Variants in DNAAF11 observed in about 807,000 individuals in gnomAD.
DNAAF11 encodes the protein dynein axonemal assembly factor 11, also known as leucine rich repeat containing 6.
In DNAAF11, 45 loss-of-function variants were observed where a neutral mutation model predicts 60.8. The observed-to-expected ratio is 0.74, with a 90% CI of 0.58 to 0.95. The LOEUF is 0.95. Among genes scored for constraint, DNAAF11 ranks in the 40% least tolerant of loss-of-function variants. DNAAF11 has a pLI of 0.00. For missense variants in DNAAF11, 546 were observed against 546.2 expected (o/e 1.00, Z 0.00); for synonymous variants, 191 against 183.5 (o/e 1.04, Z -0.33).
In DNAAF11 at chr8:132,666,700, G is replaced by A. The variant is rs146531030; in HGVS notation, c.11-5073C>T. Among the ~76,000 whole-genome samples the A allele has an allele frequency of 2.6e-5, 4 of 152,326 alleles. No individual in the cohort carries two copies. In the East Asian group the frequency reaches 7.7e-4, roughly 29 times the overall value. ...GCACAGTGCAAAGGCCAGGAAGCAA[G>A]TGTATCTTCTTTCACTTTGCAGCAA... is the stretch of plus-strand genomic sequence containing the variant. On this transcript the variant is annotated intron_variant, in intron 1 of 11. Transcript: ENST00000620350.
chr8:132,595,376 A>AAAAAAAAAAAAAAAAAT (rs1184295337), intron 10 of DNAAF11, among the ~76,000 whole-genome samples: 1 of 145,910 alleles, frequency 6.9e-6, no homozygotes, highest in Non-Finnish European at 1.5e-5. Flanking sequence ...AAAAAAAAAA[A>AAAAAAAAAAAAAAAAAT]AGCTGTGTCC....
intron 5 of DNAAF11, among the ~76,000 whole-genome samples, chr8:132,630,979 A>C (rs1182071962): frequency 6.6e-6 from 1 of 152,230 alleles, no homozygotes; most frequent in Non-Finnish European, 1.5e-5. Flanking sequence ...GCAATATGTA[A>C]AAAGTTGAAA....
intron 3 of DNAAF11, among the ~76,000 whole-genome samples, chr8:132,652,062 T>C (rs546346242): frequency 6.6e-6 from 1 of 152,356 alleles, no homozygotes; most frequent in Non-Finnish European, 1.5e-5. Context: ...TTTACCCTAG[T>C]AGGCAAATAG....
chr8:132,624,978 G>A (rs1820104873), intron 6 of DNAAF11, among the ~76,000 whole-genome samples: 1 of 152,098 alleles, frequency 6.6e-6, no homozygotes, highest in African/African-American at 2.4e-5. Context: ...AAATACTAAT[G>A]TATTAGTGTA....
chr8:132,649,062 C>A (rs986076021), intron 3 of DNAAF11, among the ~76,000 whole-genome samples: 9 of 152,246 alleles, frequency 5.9e-5, no homozygotes, highest in South Asian at 2.1e-4. Context: ...ATTGCCAAGA[C>A]AATCCTAAGC....
chr8:132,611,490 G>T (rs1051353071), intron 8 of DNAAF11, 127 bp from the exon 9 acceptor site: 5 of 524,166 alleles, frequency 9.5e-6, no homozygotes, highest in Non-Finnish European at 1.7e-5. Context: ...TGCAAAATGG[G>T]TCTTTAAAAA....
chr8:132,629,171 G>A (rs4606040), intron 5 of DNAAF11, among the ~76,000 whole-genome samples: 79,097 of 151,858 alleles, frequency 0.52, 24,091 homozygotes, highest in African/African-American at 0.86. Context: ...CATTTAATAA[G>A]AATCAATATA....
At chr8:132,576,896 G>A (rs989865133) in intron 11 of DNAAF11, among the ~76,000 whole-genome samples, 8 of 152,150 alleles carry the variant, frequency 5.3e-5, no homozygotes, top group Non-Finnish European at 1.0e-4. Context: ...GAGGGGCAGG[G>A]GTCCATCAGA....
rs187388379 is a variant in DNAAF11, at chr8:132,650,532, A to T, written c.256+6298T>A. Among the ~76,000 whole-genome samples the T allele has an allele frequency of 9.1e-4, 139 of 152,348 alleles. No homozygotes were observed. The Middle Eastern group carries it at 0.014, about 15-fold the overall frequency. ...TAAAGTACAATAAAAAATAAAAATAAAAAATAAAACACATTAATAAACTTG... is the reference window on the plus strand; with the variant it reads ...TAAAGTACAATAAAAAATAAAAATATAAAATAAAACACATTAATAAACTTG... On this transcript the variant is annotated intron_variant, in intron 3 of 11. Coordinates refer to ENST00000620350, the MANE Select transcript of DNAAF11 (RefSeq NM_012472.6).
the DNAAF11 span, among the ~76,000 whole-genome samples, chr8:132,702,524 G>A: frequency 0.45 from 68,743 of 151,498 alleles, 18,780 homozygotes; most frequent in African/African-American, 0.78. Context: ...AAAAATTTCC[G>A]TTGTCCCAGA....
chr8:132,663,883 G>A (rs1586733666), intron 1 of DNAAF11, among the ~76,000 whole-genome samples: 2 of 152,228 alleles, frequency 1.3e-5, no homozygotes, highest in Non-Finnish European at 2.9e-5. Flanking sequence ...TTGTCAGGGA[G>A]GTGGATGGCA....
intron 3 of DNAAF11, among the ~76,000 whole-genome samples, chr8:132,645,030 C>A (rs1822237567): frequency 6.6e-6 from 1 of 152,186 alleles, no homozygotes; most frequent in Non-Finnish European, 1.5e-5. Context: ...GGACAATCTG[C>A]CTCCTCAAGT....
the DNAAF11 span, among the ~76,000 whole-genome samples, chr8:132,696,970 T>C: frequency 6.6e-6 from 1 of 152,084 alleles, no homozygotes; most frequent in African/African-American, 2.4e-5. Context: ...CAAAATAATC[T>C]GTACAACAAA....
intron 3 of DNAAF11, 34 bp from the exon 4 acceptor site, chr8:132,638,141 CAAA>C (rs751347513): frequency 6.3e-7 from 1 of 1,584,588 alleles, no homozygotes; most frequent in Non-Finnish European, 8.6e-7. Flanking sequence ...ACAAAGCAAA[CAAA>C]GAAAAATCAC....
intron 3 of DNAAF11, among the ~76,000 whole-genome samples, chr8:132,644,651 A>C (rs1822188283): frequency 6.6e-6 from 1 of 152,176 alleles, no homozygotes; most frequent in Non-Finnish European, 1.5e-5. Context: ...GTGCTATTCC[A>C]ACAGTCTTAG....
chr8:132,643,982 T>G (rs914300729), intron 3 of DNAAF11, among the ~76,000 whole-genome samples: 13 of 152,308 alleles, frequency 8.5e-5, no homozygotes, highest in African/African-American at 2.9e-4. Context: ...TTCTAGATTT[T>G]ACTATATAGG....
intron 10 of DNAAF11, among the ~76,000 whole-genome samples, chr8:132,589,563 T>G (rs1816252880): frequency 1.3e-5 from 2 of 152,234 alleles, no homozygotes; most frequent in Non-Finnish European, 2.9e-5. Flanking sequence ...AAAAATACTT[T>G]CCTTTCTGTT....
intron 3 of DNAAF11, among the ~76,000 whole-genome samples, chr8:132,656,010 G>GA (rs1823528979): frequency 6.6e-6 from 1 of 152,090 alleles, no homozygotes; most frequent in Admixed American, 6.5e-5. Context: ...GTCTGTCCTA[G>GA]AAAAAACTGT....
At chr8:132,621,353 C>T (rs1474525212) in intron 7 of DNAAF11, among the ~76,000 whole-genome samples, 1 of 152,102 alleles carries the variant, frequency 6.6e-6, no homozygotes, top group African/African-American at 2.4e-5. Flanking sequence ...GGATCAGCGC[C>T]ATTTGGGTAT....
Sources: gnomAD v4.1 joint callset for allele counts (sites outside exome capture counted in the v4.1 genomes callset) on GRCh38, gnomAD v4.1.1 for gene constraint, MANE v1.5 for transcripts, NCBI Gene and HGNC (gene_info 2026-07-23, HGNC 2026-07-21) for gene names.